Variants in TRPC4AP observed in about 807,000 individuals in gnomAD.
The protein encoded by TRPC4AP is short transient receptor potential channel 4-associated protein.
TRPC4AP carries 45 observed loss-of-function variants against 99.0 expected under a neutral mutation model. The ratio of observed to expected loss-of-function variants is 0.45; its 90% CI spans 0.36 to 0.58. The LOEUF (loss-of-function observed/expected upper bound fraction) is 0.58, where lower values mean the gene tolerates loss of function less well. Among genes scored for constraint, TRPC4AP ranks in the 20% least tolerant of loss-of-function variants. TRPC4AP has a pLI of 0.00. For synonymous variants in TRPC4AP, 408 were observed against 385.8 expected (o/e 1.06, Z -0.67); for missense variants, 879 against 985.3 (o/e 0.89, Z 1.44).
At chr20:35,059,751 A>T (rs1409705329) in intron 3 of TRPC4AP, among the ~76,000 whole-genome samples, 1 of 147,118 alleles carries the variant, frequency 6.8e-6, no homozygotes, top group Non-Finnish European at 1.5e-5. Flanking sequence ...ACGAAGAAGA[A>T]GAAGACGAAG....
intron 8 of TRPC4AP, 81 bp downstream of exon 8, chr20:35,035,042 C>A: frequency 7.0e-7 from 1 of 1,433,794 alleles, no homozygotes; most frequent in South Asian, 1.4e-5. Context: ...CAAATTAATC[C>A]TTCTTGGAAA....
At chr20:35,015,330 A>G (rs1175397439) in intron 10 of TRPC4AP, among the ~76,000 whole-genome samples, 1 of 152,104 alleles carries the variant, frequency 6.6e-6, no homozygotes, top group Non-Finnish European at 1.5e-5. Flanking sequence ...GAAAATTACA[A>G]TAGGATAAAA....
chr20:35,028,623 C>T (rs1440130783), intron 8 of TRPC4AP, among the ~76,000 whole-genome samples: 1 of 152,114 alleles, frequency 6.6e-6, no homozygotes, highest in Non-Finnish European at 1.5e-5. Context: ...TTCATGTGCA[C>T]TTGAGAAGAA....
At chr20:35,019,667 C>A (rs535777428) in intron 9 of TRPC4AP, among the ~76,000 whole-genome samples, 2 of 152,208 alleles carry the variant, frequency 1.3e-5, no homozygotes, top group South Asian at 4.1e-4. Flanking sequence ...TAAGCAACTG[C>A]GAAAGTGCCT....
At chr20:35,019,075 T>C (rs1360415219) in intron 9 of TRPC4AP, among the ~76,000 whole-genome samples, 1 of 152,148 alleles carries the variant, frequency 6.6e-6, no homozygotes, top group Non-Finnish European at 1.5e-5. Context: ...CCAAGATTGG[T>C]CTGAGAACTT....
chr20:35,005,381 G>A (rs2082495513), intron 16 of TRPC4AP, among the ~76,000 whole-genome samples: 1 of 152,230 alleles, frequency 6.6e-6, no homozygotes, highest in African/African-American at 2.4e-5. Flanking sequence ...GCACCACAGG[G>A]CACCTGCGAT....
At chr20:35,058,183 G>A (rs1009167026) in intron 3 of TRPC4AP, among the ~76,000 whole-genome samples, 2 of 152,184 alleles carry the variant, frequency 1.3e-5, no homozygotes, top group African/African-American at 4.8e-5. Flanking sequence ...AAAGCTGGCA[G>A]AAATGAAGGA....
At chr20:35,060,796 C>CT (rs957039763) in intron 3 of TRPC4AP, among the ~76,000 whole-genome samples, 3 of 151,930 alleles carry the variant, frequency 2.0e-5, no homozygotes, top group African/African-American at 2.4e-5. Flanking sequence ...ACCCAAAACA[C>CT]TTTCATGATA....
At chr20:35,047,737 T>C (rs1040872635) in intron 6 of TRPC4AP, among the ~76,000 whole-genome samples, 1 of 152,210 alleles carries the variant, frequency 6.6e-6, no homozygotes, top group African/African-American at 2.4e-5. Flanking sequence ...TACAGTTTGA[T>C]CTTTTCTACT....
rs995460867 is a variant in TRPC4AP, at chr20:35,092,637, G to A, written c.145C>T (p.Arg49Trp). The change falls in exon 1 of 19, where the codon CGG (arginine) becomes TGG (tryptophan). Residue 49 changes from arginine to tryptophan, a missense_variant. Around this residue, in one of 3 missense-constraint regions of TRPC4AP, gnomAD observed 603 missense variants for 631.8 expected, o/e 0.95. Transcript: ENST00000252015. ...LQLRQGQLTGRGLVRAVQFTE... is the reference protein window; with the variant it reads ...LQLRQGQLTGWGLVRAVQFTE... ...ACCTGCACCGCCCGGACCAGGCCCCGGCCGGTCAGCTGGCCCTGCCGCAGC... is the reference window on the plus strand; with the variant it reads ...ACCTGCACCGCCCGGACCAGGCCCCAGCCGGTCAGCTGGCCCTGCCGCAGC... 3 of 1,282,642 alleles carry A rather than the reference G, an allele frequency of 2.3e-6. No homozygotes were observed. Among genetic ancestry groups the A allele is most frequent in the African/African-American group, 3.3e-5 (2 of 60,792 alleles). The allele number at this position is 1,282,642 out of a possible 1,614,324, so 79.5% of individuals were successfully genotyped here.
intron 11 of TRPC4AP, among the ~76,000 whole-genome samples, 155 bp from the exon 12 acceptor site, chr20:35,010,443 C>T (rs2082608870): frequency 6.6e-6 from 1 of 152,154 alleles, no homozygotes; most frequent in South Asian, 2.1e-4. Context: ...CCAGCCAGCA[C>T]CTGCAGGAGG....
At chr20:35,040,490 C>T (rs1157453652) in intron 7 of TRPC4AP, among the ~76,000 whole-genome samples, 1 of 152,208 alleles carries the variant, frequency 6.6e-6, no homozygotes, top group African/African-American at 2.4e-5. Context: ...TTTCTGGGGT[C>T]CTCCAGCCGG....
At chr20:35,072,983 T>G (rs2084362430) in intron 2 of TRPC4AP, among the ~76,000 whole-genome samples, 1 of 152,234 alleles carries the variant, frequency 6.6e-6, no homozygotes, top group Non-Finnish European at 1.5e-5. Context: ...TAGTTCTTCT[T>G]GAAGAGGTCC....
At chr20:35,022,292 A>T (rs1257063918) in intron 8 of TRPC4AP, among the ~76,000 whole-genome samples, 2 of 152,206 alleles carry the variant, frequency 1.3e-5, no homozygotes, top group Non-Finnish European at 2.9e-5. Context: ...AGTAGCTGGG[A>T]CTACAGGCAT....
intron 8 of TRPC4AP, among the ~76,000 whole-genome samples, chr20:35,029,204 G>A (rs1424568178): frequency 4.6e-5 from 7 of 152,264 alleles, no homozygotes; most frequent in Non-Finnish European, 7.3e-5. Flanking sequence ...TGAGCTGATC[G>A]TGCCACTGCA....
chr20:35,084,538 GTATATGTA>G (rs1281811473), intron 1 of TRPC4AP, among the ~76,000 whole-genome samples: 54 of 145,972 alleles, frequency 3.7e-4, no homozygotes, highest in African/African-American at 1.2e-3. Flanking sequence ...ATGTATATAT[GTATATGTA>G]TATATGTTTA....
chr20:35,053,549 C>T (rs917928500), intron 5 of TRPC4AP, among the ~76,000 whole-genome samples: 1 of 152,112 alleles, frequency 6.6e-6, no homozygotes, highest in Non-Finnish European at 1.5e-5. Flanking sequence ...GAAATTTTAT[C>T]TTATAGATCT....
intron 9 of TRPC4AP, among the ~76,000 whole-genome samples, chr20:35,020,566 C>G (rs1421739989): frequency 6.6e-6 from 1 of 152,138 alleles, no homozygotes; most frequent in Admixed American, 6.5e-5. Context: ...GTGTCTGACT[C>G]AGAAAGATGT....
At chr20:35,010,386 A>G in intron 11 of TRPC4AP, 98 bp from the exon 12 acceptor site, 3 of 973,428 alleles carry the variant, frequency 3.1e-6, no homozygotes, top group Non-Finnish European at 4.7e-6. Flanking sequence ...CTTCCTGTGG[A>G]CAGAATCTGA....
Sources: gnomAD v4.1 joint callset for allele counts (sites outside exome capture counted in the v4.1 genomes callset) on GRCh38, gnomAD v4.1.1 for gene constraint, gnomAD v4.1.1 regional missense constraint, MANE v1.5 for transcripts, NCBI Gene and HGNC (gene_info 2026-07-23, HGNC 2026-07-21) for gene names.